SLC2A9: variants seen among roughly 807,000 people sequenced by gnomAD.
SLC2A9 encodes the protein solute carrier family 2 member 9.
A neutral mutation model predicts 50.6 loss-of-function variants in SLC2A9; 39 were observed. The ratio of observed to expected loss-of-function variants is 0.77; its 90% CI spans 0.60 to 1.01. SLC2A9 has a LOEUF of 1.01. Among genes scored for constraint, SLC2A9 ranks in the 50% least tolerant of loss-of-function variants. SLC2A9 has a pLI of 0.00. For synonymous variants in SLC2A9, 324 were observed against 276.9 expected, an observed-to-expected ratio of 1.17 and a Z score of -1.69; for missense variants, 686 against 677.6, an observed-to-expected ratio of 1.01 and a Z score of -0.14.
At chr4:9,809,856 T>G (rs927720568) in intron 3 of SLC2A9, among the ~76,000 whole-genome samples, 1 of 151,072 alleles carries the variant, frequency 6.6e-6, no homozygotes, top group Non-Finnish European at 1.5e-5. Flanking sequence ...TCTTTTCTTT[T>G]TTTTTTTTTT....
chr4:9,910,511 A>G lies in SLC2A9; in HGVS notation c.1003-2166T>C, dbSNP rs115146357. Among the ~76,000 whole-genome samples, 632 of 152,354 alleles carry G rather than the reference A, an allele frequency of 4.1e-3. 7 individuals are homozygous for G. Among genetic ancestry groups the G allele is most frequent in the African/African-American group, 0.015 (604 of 41,586 alleles). ...CAAATTCACTGATTTTCAATGGCCA[A>G]CGTTCTCTAGGGACCCTCTTAATGC... On this transcript the variant is annotated intron_variant, in intron 7 of 11. Coordinates refer to ENST00000264784, the MANE Select transcript of SLC2A9 (RefSeq NM_020041.3).
At chr4:9,832,489 A>G (rs1321911754) in intron 11 of SLC2A9, among the ~76,000 whole-genome samples, 1 of 152,136 alleles carries the variant, frequency 6.6e-6, no homozygotes, top group Non-Finnish European at 1.5e-5. Flanking sequence ...TCCTGCTCCG[A>G]TGAAGGTTCA....
At chr4:9,898,404 T>C (rs1385329929) in intron 8 of SLC2A9, among the ~76,000 whole-genome samples, 5 of 152,266 alleles carry the variant, frequency 3.3e-5, no homozygotes, top group African/African-American at 1.2e-4. Flanking sequence ...CCAAATTTGA[T>C]GTAATGTGCT....
intron 8 of SLC2A9, among the ~76,000 whole-genome samples, chr4:9,893,687 G>A (rs187560993): frequency 4.7e-4 from 71 of 152,226 alleles, no homozygotes; most frequent in African/African-American, 1.6e-3. Context: ...ACACTGATGG[G>A]GCTGCTGTGC....
chr4:9,907,958 C>T (rs1740987561), intron 8 of SLC2A9, among the ~76,000 whole-genome samples: 1 of 152,184 alleles, frequency 6.6e-6, no homozygotes. Context: ...TGCAGTGTTG[C>T]CTGCCCCGGA....
chr4:9,887,600 G>A lies in SLC2A9; in HGVS notation c.1258C>T (p.Leu420=). The part of the protein sequence containing the change: ...WVPYLSIVGI[L]AIIASFCSGP... ...CTGCAGAAAGAGGCGATGATGGCCA[G>A]AATGCCCACGATACTCAGGTAGGGG... is the stretch of plus-strand genomic sequence containing the variant. Residue 420 remains leucine, a synonymous_variant, in exon 10 of 12, where the codon CTG becomes TTG. Transcript: ENST00000264784. The A allele has an allele frequency of 1.9e-6, 3 of 1,570,600 alleles. No homozygotes were observed. Among genetic ancestry groups the A allele is most frequent in the Non-Finnish European group, 2.6e-6 (3 of 1,157,608 alleles).
rs1232505863 is a variant in SLC2A9 at position 9,941,910 on chromosome 4, C to T, written c.814+3G>A. ...GCTGTGCAGGAAAGGGAAGGGCCCT[C>T]ACCTTTCACAGCTCTTGCCTCGTTG... On this transcript the variant is annotated splice_donor_region_variant and intron_variant, in intron 6 of 11. Transcript: ENST00000264784. 3.1e-6 allele frequency: 5 copies of T among 1,614,060 alleles called. No homozygotes were observed. In the South Asian group the frequency reaches 5.5e-5, roughly 18 times the overall value.
rs1418068301 is a variant in SLC2A9 at position 10,021,486 on chromosome 4, A to G, written c.-57T>C. On this transcript the variant is annotated 5_prime_UTR_variant, in exon 1 of 12. The change abolishes an upstream ATG in the 5' untranslated region. Coordinates refer to ENST00000264784, the MANE Select transcript of SLC2A9 (RefSeq NM_020041.3). ...CAGGGACCCCAGACTCTGCCAAGGCATTTCCGTGAGTGAGGAGGCAGAGTC... is the reference window on the plus strand; with the variant it reads ...CAGGGACCCCAGACTCTGCCAAGGCGTTTCCGTGAGTGAGGAGGCAGAGTC... 1.1e-5 allele frequency: 18 copies of G among 1,611,368 alleles called. No homozygotes were observed. In the African/African-American group the frequency reaches 1.6e-4, roughly 14 times the overall value.
chr4:9,839,147 A>G (rs1448646910), intron 10 of SLC2A9, among the ~76,000 whole-genome samples: 3 of 152,230 alleles, frequency 2.0e-5, no homozygotes, highest in African/African-American at 7.2e-5. Flanking sequence ...ACAAATTTAC[A>G]AGAATAAAAC....
intron 6 of SLC2A9, among the ~76,000 whole-genome samples, chr4:9,927,176 T>C (rs1745060659): frequency 8.2e-6 from 1 of 121,524 alleles, no homozygotes; most frequent in African/African-American, 3.6e-5. Flanking sequence ...ATTACAGGCA[T>C]CCGCCACCAC....
chr4:9,871,899 T>C (rs1733499735), intron 10 of SLC2A9, among the ~76,000 whole-genome samples: 1 of 152,162 alleles, frequency 6.6e-6, no homozygotes, highest in Non-Finnish European at 1.5e-5. Context: ...TGAGGTGAAT[T>C]GCACAGCCAC....
chr4:9,931,950 CTCTCTCTCTCTCTATATATATA>C lies in SLC2A9; in HGVS notation c.814+9941_814+9962del, dbSNP rs1318691906. ...TCTCTCTCTCTCTCTCTCTCTCTCT[CTCTCTCTCTCTCTATATATATA>C]TATATATATATATATATATATATAT... is the stretch of plus-strand genomic sequence containing the variant. On this transcript the variant is annotated intron_variant, in intron 6 of 11. Transcript: ENST00000264784. Among the ~76,000 whole-genome samples the C allele has an allele frequency of 2.9e-4, 17 of 58,654 alleles. No homozygotes were observed. The East Asian group carries it at 7.6e-3, about 26-fold the overall frequency. 38.5% of individuals were successfully genotyped at this position (58,654 alleles called of 152,430 possible).
chr4:9,801,044 GGT>G (rs778208270), intron 3 of SLC2A9, among the ~76,000 whole-genome samples: 2 of 152,150 alleles, frequency 1.3e-5, no homozygotes, highest in African/African-American at 4.8e-5. Context: ...CTTGCAGACT[GGT>G]GTTGGCTGCT....
chr4:9,804,666 T>A (rs1296197288), intron 3 of SLC2A9, among the ~76,000 whole-genome samples: 2 of 152,170 alleles, frequency 1.3e-5, no homozygotes, highest in African/African-American at 4.8e-5. Flanking sequence ...TTCCTATTAT[T>A]GTGTTGGAAT....
chr4:9,841,780 T>C (rs1184718150), intron 10 of SLC2A9, among the ~76,000 whole-genome samples: 1 of 152,166 alleles, frequency 6.6e-6, no homozygotes, highest in Non-Finnish European at 1.5e-5. Flanking sequence ...CAGTGGCCTT[T>C]AACTGGTTTC....
intron 11 of SLC2A9, among the ~76,000 whole-genome samples, chr4:9,828,954 C>T (rs759132440): frequency 4.6e-5 from 7 of 152,156 alleles, no homozygotes; most frequent in Non-Finnish European, 1.0e-4. Context: ...TGGACTGAGG[C>T]TCAGAGAGGC....
intron 10 of SLC2A9, among the ~76,000 whole-genome samples, chr4:9,886,033 G>A (rs114751739): frequency 2.6e-3 from 399 of 152,342 alleles, no homozygotes; most frequent in Non-Finnish European, 4.8e-3. Context: ...TAGAGGGTAG[G>A]TGTGCATGTG....
At chr4:9,847,350 C>G (rs1166884492) in intron 10 of SLC2A9, among the ~76,000 whole-genome samples, 2 of 152,154 alleles carry the variant, frequency 1.3e-5, no homozygotes, top group African/African-American at 4.8e-5. Context: ...ACCATCAGAT[C>G]TCATGAGAAC....
At chr4:9,894,494 A>G (rs1171515687) in intron 8 of SLC2A9, among the ~76,000 whole-genome samples, 1 of 152,216 alleles carries the variant, frequency 6.6e-6, no homozygotes, top group African/African-American at 2.4e-5. Context: ...TTCTCCGGAG[A>G]GTTTTGACTT....
Sources: gnomAD v4.1 joint callset for allele counts (sites outside exome capture counted in the v4.1 genomes callset) on GRCh38, gnomAD v4.1.1 for gene constraint, MANE v1.5 for transcripts, NCBI Gene and HGNC (gene_info 2026-07-23, HGNC 2026-07-21) for gene names.